The following ZNF273 variants were observed in gnomAD, a reference collection of about 807,000 sequenced individuals.
ZNF273 encodes the protein zinc finger protein 9.
A neutral mutation model predicts 14.9 loss-of-function variants in ZNF273; 11 were observed. The ratio of observed to expected loss-of-function variants is 0.74; its 90% CI spans 0.46 to 1.22. The LOEUF (loss-of-function observed/expected upper bound fraction) is 1.22, where lower values mean the gene tolerates loss of function less well. Ranked by LOEUF, ZNF273 falls within the 50% of genes most tolerant of loss-of-function variation. The pLI is 0.00. For synonymous variants in ZNF273, 199 were observed against 223.9 expected, an observed-to-expected ratio of 0.89 and a Z score of 0.99; for missense variants, 577 against 660.6, an observed-to-expected ratio of 0.87 and a Z score of 1.39.
intron 3 of ZNF273, among the ~76,000 whole-genome samples, chr7:64,922,191 G>A (rs1000919270): frequency 6.6e-6 from 1 of 150,574 alleles, no homozygotes. Flanking sequence ...CAACCACGCT[G>A]GTTTGCAGTG....
chr7:64,920,358 G>A (rs972902668), intron 3 of ZNF273, among the ~76,000 whole-genome samples: 1 of 152,162 alleles, frequency 6.6e-6, no homozygotes, highest in African/African-American at 2.4e-5. Flanking sequence ...GTACCAGAGA[G>A]GATTTTCCCA....
upstream of ZNF273, among the ~76,000 whole-genome samples, chr7:64,901,067 ATCTCG>A (rs1233608445): frequency 6.6e-6 from 1 of 151,180 alleles, no homozygotes; most frequent in African/African-American, 2.4e-5. Context: ...CAGTGGCTCC[ATCTCG>A]GCTCATTGCA....
downstream of ZNF273, among the ~76,000 whole-genome samples, chr7:64,892,003 G>A (rs893519134): frequency 2.0e-5 from 3 of 152,120 alleles, no homozygotes; most frequent in Non-Finnish European, 4.4e-5. Context: ...TCACCTACTT[G>A]TGCCTTTCAA....
chr7:64,888,267 C>G, intron 1 of ZNF273: 3 of 984,128 alleles, frequency 3.0e-6, no homozygotes, highest in Non-Finnish European at 3.6e-6. Flanking sequence ...GTCAGATGTC[C>G]CTGTCTCTAT....
At chr7:64,923,628 C>G in intron 3 of ZNF273, 1 of 257,352 alleles carries the variant, frequency 3.9e-6, no homozygotes, top group Non-Finnish European at 7.7e-6. Context: ...AGGCATGAGC[C>G]ACAGTGCCCG....
At chr7:64,912,826 GT>G (rs71061324) in intron 1 of ZNF273, among the ~76,000 whole-genome samples, 3,956 of 36,558 alleles carry the variant, frequency 0.11, 306 homozygotes, top group Middle Eastern at 0.23. Context: ...ATTCATTTTA[GT>G]TTTTTTTTTT....
At chr7:64,883,220 C>A (rs1046659876), downstream of ZNF273, among the ~76,000 whole-genome samples, 302 of 145,830 alleles carry the variant, frequency 2.1e-3, 5 homozygotes, top group African/African-American at 6.6e-3. Context: ...CACCACCCCC[C>A]CCTCACCAAG....
chr7:64,900,658 A>C (rs546196409), upstream of ZNF273, among the ~76,000 whole-genome samples: 1 of 152,312 alleles, frequency 6.6e-6, no homozygotes, highest in South Asian at 2.1e-4. Flanking sequence ...CTGCATAATA[A>C]AAAATTAGGG....
chr7:64,922,340 T>C lies in ZNF273; in HGVS notation c.325+4048T>C, dbSNP rs193193139. 9.8e-3 allele frequency among the ~76,000 whole-genome samples: 1,492 copies of C among 151,662 alleles called. 21 individuals carry two copies. The highest frequency in any genetic ancestry group is 0.034 in the African/African-American group (1,399 of 41,368). ...TGTTTTTGTTTTTTTGTTTTTTTTT[T>C]CCCCCGGAGACAGAGTCTCCCTCTG... On this transcript the variant is annotated intron_variant, in intron 3 of 3. Transcript: ENST00000476120.
At chr7:64,912,462 G>A (rs569866810) in intron 1 of ZNF273, among the ~76,000 whole-genome samples, 23 of 152,156 alleles carry the variant, frequency 1.5e-4, no homozygotes, top group African/African-American at 4.8e-4. Flanking sequence ...CTTTATTCAT[G>A]TGCACTCATG....
At chr7:64,908,316 A>G (rs958636451) in intron 1 of ZNF273, among the ~76,000 whole-genome samples, 2 of 152,206 alleles carry the variant, frequency 1.3e-5, no homozygotes, top group African/African-American at 2.4e-5. Context: ...TTGTGTTGTG[A>G]GGCTTTGGTG....
At chr7:64,892,345 G>T (rs1457838530), downstream of ZNF273, among the ~76,000 whole-genome samples, 1 of 152,148 alleles carries the variant, frequency 6.6e-6, no homozygotes, top group Non-Finnish European at 1.5e-5. Flanking sequence ...TATGTAATTT[G>T]CTTAGCAACA....
chr7:64,908,668 C>A (rs1663816008), intron 1 of ZNF273, among the ~76,000 whole-genome samples: 1 of 152,174 alleles, frequency 6.6e-6, no homozygotes, highest in South Asian at 2.1e-4. Flanking sequence ...GTTAACCAGG[C>A]TGGTCTCAAA....
chr7:64,914,370 ATTATTAC>A (rs370576422), intron 1 of ZNF273, among the ~76,000 whole-genome samples: 2,095 of 150,312 alleles, frequency 0.014, 22 homozygotes, highest in Non-Finnish European at 0.024. Context: ...AAACACTATT[ATTATTAC>A]TTATTATTTT....
chr7:64,889,129 C>A, downstream of ZNF273: 1 of 985,960 alleles, frequency 1.0e-6, no homozygotes. This position sits in a 1 kb window ranked among gnomAD's most constrained non-coding sequence, Gnocchi z 4.2. Context: ...GGGATCCGGG[C>A]CTCGTTGCGG....
chr7:64,924,850 AG>A lies in ZNF273; in HGVS notation c.326-2803del, dbSNP rs371730497. On this transcript the variant is annotated intron_variant, in intron 3 of 3. Coordinates refer to ENST00000476120, the MANE Select transcript of ZNF273 (RefSeq NM_021148.3). ...AGTCTCATTCTGTCACCCAGGCTAG[AG>A]TAGTGCAGTGGCACCATCTCAGCTC... Among the ~76,000 whole-genome samples, 36 of 151,058 alleles carry A rather than the reference AG, an allele frequency of 2.4e-4. No individual in the cohort carries two copies. In the East Asian group the frequency reaches 6.2e-3, roughly 26 times the overall value.
chr7:64,904,188 A>G (rs879883239), intron 1 of ZNF273, among the ~76,000 whole-genome samples: 5 of 152,148 alleles, frequency 3.3e-5, no homozygotes, highest in African/African-American at 4.8e-5. Flanking sequence ...TCCCGGGTTC[A>G]TGCAATTCTC....
At chr7:64,931,497 A>T (rs1048823599), downstream of ZNF273, among the ~76,000 whole-genome samples, 3 of 152,116 alleles carry the variant, frequency 2.0e-5, no homozygotes, top group African/African-American at 7.2e-5. Flanking sequence ...TAATTTTTAG[A>T]TGTAATTTTA....
intron 1 of ZNF273, 45 bp from the exon 2 acceptor site, chr7:64,917,536 C>T: frequency 6.4e-7 from 1 of 1,569,096 alleles, no homozygotes; most frequent in East Asian, 2.4e-5. Flanking sequence ...ATATTCTGTC[C>T]AGAGCAAGTT....
Sources: allele counts gnomAD v4.1 joint callset (sites outside exome capture counted in the v4.1 genomes callset), GRCh38; gene constraint gnomAD v4.1.1; non-coding constraint Gnocchi (gnomAD v3.1); transcripts MANE v1.5; gene names NCBI Gene and HGNC (gene_info 2026-07-23, HGNC 2026-07-21).